Variants in SUSD1 observed in about 807,000 individuals in gnomAD.
SUSD1 encodes sushi domain-containing protein 1.
SUSD1 carries 65 observed loss-of-function variants against 86.9 expected under a neutral mutation model. That is an observed-to-expected ratio of 0.75 (90% CI 0.61 to 0.92). The LOEUF (loss-of-function observed/expected upper bound fraction) is 0.92, where lower values mean the gene tolerates loss of function less well. Among genes scored for constraint, SUSD1 ranks in the 40% least tolerant of loss-of-function variants. SUSD1 has a pLI of 0.00. For synonymous variants in SUSD1, 346 were observed against 350.0 expected (o/e 0.99, Z 0.13); for missense variants, 850 against 929.7 (o/e 0.91, Z 1.11).
At chr9:112,160,135 A>C (rs773989813) in intron 1 of SUSD1, among the ~76,000 whole-genome samples, 8 of 152,364 alleles carry the variant, frequency 5.3e-5, no homozygotes, top group Non-Finnish European at 1.2e-4. Flanking sequence ...AAAGATGTTA[A>C]AGAATTAGAA....
chr9:112,079,690 C>T (rs1024228124), intron 11 of SUSD1, among the ~76,000 whole-genome samples: 9 of 151,870 alleles, frequency 5.9e-5, no homozygotes, highest in African/African-American at 2.2e-4. Flanking sequence ...GAAACCTCCA[C>T]CTCTTGGGTT....
At chr9:112,165,467 T>C (rs1368057043) in intron 1 of SUSD1, among the ~76,000 whole-genome samples, 2 of 148,014 alleles carry the variant, frequency 1.4e-5, no homozygotes, top group Non-Finnish European at 3.0e-5. Flanking sequence ...TGGAGAGCAT[T>C]GGCACGATCA....
At chr9:112,053,837 G>A (rs778739511) in intron 14 of SUSD1, among the ~76,000 whole-genome samples, 4 of 152,170 alleles carry the variant, frequency 2.6e-5, no homozygotes, top group South Asian at 2.1e-4. Flanking sequence ...GCAAGGAGAC[G>A]GGTAGAATAA....
intron 2 of SUSD1, among the ~76,000 whole-genome samples, chr9:112,156,695 G>C (rs1330967744): frequency 6.6e-6 from 1 of 152,098 alleles, no homozygotes; most frequent in East Asian, 1.9e-4. Flanking sequence ...ACAAGATCGA[G>C]GCTCAGTACC....
chr9:112,079,989 G>A (rs750097284), intron 11 of SUSD1, 85 bp downstream of exon 11: 3 of 918,868 alleles, frequency 3.3e-6, no homozygotes, highest in Non-Finnish European at 5.3e-6. Context: ...GATAGTTATA[G>A]ATGTAGATTT....
Position 112,112,826 on chromosome 9 carries a change from G to A in SUSD1, c.929C>T (p.Thr310Ile), listed in dbSNP as rs1300730802. ...TGAGTTTATTTGCCATCTCACACAG[G>A]TATCATTAAACAGTGATACATCATT... ...KINDVSLFND[T>I]CVRWQINSRR... The change falls in exon 7 of 17, where the codon ACC (threonine) becomes ATC (isoleucine). Residue 310 changes from threonine to isoleucine, a missense_variant. Physicochemically the swap from Thr to Ile is moderately conservative, Grantham distance 89. Coordinates refer to ENST00000374270, the MANE Select transcript of SUSD1 (RefSeq NM_022486.5). The A allele has an allele frequency of 6.2e-7, 1 of 1,613,238 alleles. No homozygotes were observed. Among genetic ancestry groups the A allele is most frequent in the Non-Finnish European group, 8.5e-7 (1 of 1,179,314 alleles).
intron 15 of SUSD1, 134 bp from the exon 16 acceptor site, chr9:112,042,094 A>C (rs1304342719): frequency 6.5e-7 from 1 of 1,544,572 alleles, no homozygotes; most frequent in East Asian, 2.4e-5. Flanking sequence ...AAGAATGCCC[A>C]ACATGCCTGT....
chr9:112,041,830 A>T (rs1430124612), intron 16 of SUSD1, 37 bp downstream of exon 16: 2 of 1,591,188 alleles, frequency 1.3e-6, no homozygotes, highest in African/African-American at 2.7e-5. Context: ...CCTCCCCTCC[A>T]TTCCAGTCAT....
chr9:112,162,281 C>A (rs778954185), intron 1 of SUSD1, among the ~76,000 whole-genome samples: 1 of 152,036 alleles, frequency 6.6e-6, no homozygotes, highest in Non-Finnish European at 1.5e-5. Context: ...ATAATTAAAG[C>A]CTTGATGGCA....
Position 112,132,711 on chromosome 9 carries a change from G to A in SUSD1, c.707-8275C>T, listed in dbSNP as rs181486516. ...CTACTAAATGGTAAGCTCTTTCTGG[G>A]CTGTGCTTATACCCTGTATTTTTAA... On this transcript the variant is annotated intron_variant, in intron 5 of 16. Transcript: ENST00000374270. Among the ~76,000 whole-genome samples the A allele has an allele frequency of 9.5e-4, 145 of 152,258 alleles. 1 individual carries two copies. In the South Asian group the frequency reaches 0.011, roughly 12 times the overall value.
At chr9:112,152,257 G>A (rs1589732646) in intron 2 of SUSD1, among the ~76,000 whole-genome samples, 1 of 149,920 alleles carries the variant, frequency 6.7e-6, no homozygotes, top group South Asian at 2.1e-4. Flanking sequence ...TTAGCTTACT[G>A]TAGCTTTTTT....
At chr9:112,135,339 A>G (rs1317309019) in intron 5 of SUSD1, among the ~76,000 whole-genome samples, 1 of 152,244 alleles carries the variant, frequency 6.6e-6, no homozygotes, top group African/African-American at 2.4e-5. Context: ...ACTTGGAGGA[A>G]AAAGAACATT....
At chr9:112,151,282 A>C (rs188944893) in intron 2 of SUSD1, among the ~76,000 whole-genome samples, 1 of 152,298 alleles carries the variant, frequency 6.6e-6, no homozygotes, top group East Asian at 1.9e-4. Context: ...CTGTACACAT[A>C]GGCTACACTA....
At position 112,080,144 on chromosome 9, in the gene SUSD1, A is replaced by C. The variant is rs1187977765; in HGVS notation, c.1496T>G (p.Ile499Ser). 6.2e-7 allele frequency: 1 copy of C among 1,612,944 alleles called. No homozygotes were observed. The highest frequency in any genetic ancestry group is 1.3e-5 in the African/African-American group (1 of 74,898). ...CAAGCAGGTTTCATTAAATCCTGAA[A>C]TGTTACTGATGGTCTGTTTTACTGT... ...PPAVKQTISNISGFNETCLRW... is the reference protein window; with the variant it reads ...PPAVKQTISNSSGFNETCLRW... The change falls in exon 11 of 17, where the codon ATT becomes AGT. Residue 499 changes from isoleucine to serine, a missense_variant. Physicochemically the swap from Ile to Ser is moderately radical, Grantham distance 142. Coordinates refer to ENST00000374270, the MANE Select transcript of SUSD1 (RefSeq NM_022486.5).
intron 5 of SUSD1, among the ~76,000 whole-genome samples, chr9:112,126,522 A>G (rs1831781267): frequency 6.6e-6 from 1 of 152,196 alleles, no homozygotes; most frequent in Non-Finnish European, 1.5e-5. Flanking sequence ...TTAAGGCTCA[A>G]AGGCTCAGGT....
chr9:112,123,765 G>A (rs887838398), intron 6 of SUSD1, among the ~76,000 whole-genome samples: 16 of 152,118 alleles, frequency 1.1e-4, no homozygotes, highest in Admixed American at 7.2e-4. Flanking sequence ...CTGAGATCGT[G>A]CCAGTGCACT....
Position 112,115,489 on chromosome 9 carries a change from C to A in SUSD1, c.887-2621G>T, listed in dbSNP as rs183584547. ...TCAGTATTTCTCCCTAGAACACACA[C>A]AATTTGAAATCAAAGAAATACTCCA... On this transcript the variant is annotated intron_variant, in intron 6 of 16. Coordinates refer to ENST00000374270, the MANE Select transcript of SUSD1 (RefSeq NM_022486.5). Among the ~76,000 whole-genome samples, 4 of 152,274 alleles carry A rather than the reference C, an allele frequency of 2.6e-5. No individual in the cohort carries two copies. The East Asian group carries it at 7.7e-4, about 29-fold the overall frequency.
In SUSD1 at chr9:112,142,513, A is replaced by G. The variant is rs773195822; in HGVS notation, c.527-14T>C. Reference sequence around the variant, plus strand: ...CACAGTCTATTTCTGAAAATAAATTAATGTCAAATTCATTACCTCGTGAAT... The same window carrying G: ...CACAGTCTATTTCTGAAAATAAATTGATGTCAAATTCATTACCTCGTGAAT... On this transcript the variant is annotated splice_polypyrimidine_tract_variant and intron_variant, in intron 4 of 16. Transcript: ENST00000374270. 1.4e-5 allele frequency: 23 copies of G among 1,605,618 alleles called. No individual in the cohort carries two copies. In the South Asian group the frequency reaches 2.4e-4, roughly 17 times the overall value.
intron 9 of SUSD1, 130 bp from the exon 10 acceptor site, chr9:112,098,792 T>A: frequency 1.2e-6 from 1 of 845,078 alleles, no homozygotes; most frequent in Non-Finnish European, 1.8e-6. Context: ...GAATTACTTT[T>A]AAGACAATAG....
Sources: allele counts gnomAD v4.1 joint callset (sites outside exome capture counted in the v4.1 genomes callset), GRCh38; gene constraint gnomAD v4.1.1; transcripts MANE v1.5; gene names NCBI Gene and HGNC (gene_info 2026-07-23, HGNC 2026-07-21).